The following ASIC2 variants were observed in gnomAD, a reference collection of about 807,000 sequenced individuals.
ASIC2 encodes acid sensing ion channel subunit 2.
ASIC2 carries 25 observed loss-of-function variants against 57.3 expected under a neutral mutation model. The ratio of observed to expected loss-of-function variants is 0.44; its 90% confidence interval spans 0.32 to 0.61. The LOEUF (loss-of-function observed/expected upper bound fraction) is 0.61. ASIC2 is among the 20% of genes least tolerant of loss of function. The pLI, the probability that ASIC2 is intolerant of heterozygous loss-of-function variation, is 0.06. For missense variants in ASIC2, 641 were observed against 738.1 expected (o/e 0.87, Z 1.52); for synonymous variants, 319 against 307.5 (o/e 1.04, Z -0.39).
intron 1 of ASIC2, among the ~76,000 whole-genome samples, chr17:33,498,180 G>A (rs911404223): frequency 2.0e-5 from 3 of 152,230 alleles, no homozygotes; most frequent in East Asian, 1.9e-4. Context: ...TGCTTCACTC[G>A]TGTGTCTGTT....
At chr17:33,146,999 C>A (rs1904589996) in intron 1 of ASIC2, among the ~76,000 whole-genome samples, 1 of 152,150 alleles carries the variant, frequency 6.6e-6, no homozygotes, top group Non-Finnish European at 1.5e-5. Context: ...CCATTTTGCT[C>A]CTTGATATCT....
At chr17:33,224,730 A>G (rs1284324129) in intron 1 of ASIC2, among the ~76,000 whole-genome samples, 4 of 152,204 alleles carry the variant, frequency 2.6e-5, no homozygotes, top group Admixed American at 1.3e-4. Context: ...GGGCATTTGC[A>G]TCAGTGCTTG....
intron 1 of ASIC2, among the ~76,000 whole-genome samples, chr17:33,523,133 C>T (rs1347423844): frequency 6.6e-6 from 1 of 152,202 alleles, no homozygotes; most frequent in Non-Finnish European, 1.5e-5. Context: ...GATGAAGGAC[C>T]CTAGTTCTGA....
chr17:34,003,865 T>C (rs1192185213), intron 1 of ASIC2: 2 of 152,322 alleles, frequency 1.3e-5, no homozygotes, highest in African/African-American at 2.4e-5. Flanking sequence ...CTAAAGACTG[T>C]GTGTTTCCGT....
At chr17:34,038,256 T>C (rs1318117774) in intron 1 of ASIC2, 1 of 1,610,716 alleles carries the variant, frequency 6.2e-7, no homozygotes, top group Non-Finnish European at 8.5e-7. Context: ...TTCTCTGACA[T>C]TAATTTGTGC....
rs184762660 is a variant in ASIC2 at position 33,723,338 on chromosome 17, T to A, written c.555+432640A>T. Among the ~76,000 whole-genome samples, 9 of 152,328 alleles carry A rather than the reference T, an allele frequency of 5.9e-5. No homozygotes were observed. The East Asian group carries it at 1.7e-3, about 29-fold the overall frequency. On this transcript the variant is annotated intron_variant, in intron 1 of 9. Coordinates refer to the ASIC2 transcript ENST00000359872. ...ACTTTTTAAAATATTATATTATATT[T>A]TATTTTTTGATACAGAGTCTTGCTC...
At chr17:33,922,569 T>C (rs561167875) in intron 1 of ASIC2, among the ~76,000 whole-genome samples, 1 of 152,344 alleles carries the variant, frequency 6.6e-6, no homozygotes, top group Admixed American at 6.5e-5. Flanking sequence ...GATATGTTGA[T>C]GAATCAGTAA....
rs1597600208 is a variant in ASIC2 at position 33,142,181 on chromosome 17, A to C, written c.709-30114T>G. On this transcript the variant is annotated intron_variant, in intron 1 of 9. Coordinates refer to ENST00000225823, the MANE Select transcript of ASIC2 (RefSeq NM_183377.2). ...AATTAAATGAATTAATAAATAAACGAATGGCAAGGTTTATCTTGGGAATGG... is the reference window on the plus strand; with the variant it reads ...AATTAAATGAATTAATAAATAAACGCATGGCAAGGTTTATCTTGGGAATGG... Among the ~76,000 whole-genome samples, 5 of 152,324 alleles carry C rather than the reference A, an allele frequency of 3.3e-5. No individual in the cohort carries two copies. In the South Asian group the frequency reaches 1.0e-3, roughly 32 times the overall value.
intron 1 of ASIC2, among the ~76,000 whole-genome samples, chr17:33,698,918 C>T (rs934032810): frequency 1.3e-4 from 20 of 152,238 alleles, no homozygotes; most frequent in African/African-American, 4.6e-4. Flanking sequence ...GATGCCCCCC[C>T]TCTGCTTTTT....
chr17:33,136,304 A>G (rs1297753934), intron 1 of ASIC2, among the ~76,000 whole-genome samples: 1 of 152,252 alleles, frequency 6.6e-6, no homozygotes, highest in Non-Finnish European at 1.5e-5. Context: ...AGAAGGTTTC[A>G]GCTCTTACAC....
At chr17:33,659,592 G>A (rs1000848109) in intron 1 of ASIC2, among the ~76,000 whole-genome samples, 4 of 152,050 alleles carry the variant, frequency 2.6e-5, no homozygotes, top group Non-Finnish European at 5.9e-5. Flanking sequence ...TACACCTGGC[G>A]GGGCGCGGTG....
At chr17:33,416,781 T>A (rs147650737) in intron 1 of ASIC2, among the ~76,000 whole-genome samples, 95 of 152,324 alleles carry the variant, frequency 6.2e-4, no homozygotes, top group African/African-American at 2.1e-3. Flanking sequence ...CCGAGTGGAA[T>A]AACAAGTCCC....
rs149199472 is a variant in ASIC2 at position 33,104,454 on chromosome 17, C to T, written c.859+7463G>A. The stretch of plus-strand genomic sequence containing the variant: ...TTTTAATCCCAATGACATCTGCCTC[C>T]CATCCAGTGGTTTTCAAACAGGGCA... On this transcript the variant is annotated intron_variant, in intron 2 of 9. Transcript: ENST00000225823. Among the ~76,000 whole-genome samples the T allele has an allele frequency of 3.1e-3, 472 of 152,276 alleles. 3 individuals carry two copies. The highest frequency in any genetic ancestry group is 0.011 in the African/African-American group (452 of 41,560).
chr17:33,961,481 C>T (rs748358358), intron 1 of ASIC2, among the ~76,000 whole-genome samples: 4 of 152,288 alleles, frequency 2.6e-5, no homozygotes, highest in Non-Finnish European at 5.9e-5. Flanking sequence ...GGAAATTCTG[C>T]CCTCCAACTC....
At chr17:33,468,786 T>G (rs372073534) in intron 1 of ASIC2, among the ~76,000 whole-genome samples, 2 of 151,750 alleles carry the variant, frequency 1.3e-5, no homozygotes, top group South Asian at 4.2e-4. Flanking sequence ...CTGGTAAAAG[T>G]CAAAGTCAGG....
chr17:34,115,851 G>A (rs772594030), intron 1 of ASIC2, among the ~76,000 whole-genome samples: 1 of 152,148 alleles, frequency 6.6e-6, no homozygotes, highest in Non-Finnish European at 1.5e-5. Flanking sequence ...AATAGCGCAA[G>A]AGTACATATA....
At chr17:33,392,785 A>G (rs1597711872) in intron 1 of ASIC2, among the ~76,000 whole-genome samples, 1 of 152,200 alleles carries the variant, frequency 6.6e-6, no homozygotes, top group East Asian at 1.9e-4. Flanking sequence ...TCCCTGAGCT[A>G]TAATGGTTTG....
intron 1 of ASIC2, among the ~76,000 whole-genome samples, chr17:33,154,309 A>C (rs1359155312): frequency 6.6e-6 from 1 of 152,196 alleles, no homozygotes; most frequent in African/African-American, 2.4e-5. Flanking sequence ...CAGCTTCTTG[A>C]GTAGCTGGAA....
chr17:33,380,245 C>CAAAAAAAAAAAAAAAAAAAAA (rs10586872), intron 1 of ASIC2, among the ~76,000 whole-genome samples: 9 of 71,064 alleles, frequency 1.3e-4, no homozygotes, highest in South Asian at 7.5e-4. Context: ...AACCCTGTCT[C>CAAAAAAAAAAAAAAAAAAAAA]AAAAAAAAAA....
Sources: gnomAD v4.1 joint callset for allele counts (sites outside exome capture counted in the v4.1 genomes callset) on GRCh38, gnomAD v4.1.1 for gene constraint, MANE v1.5 for transcripts, NCBI Gene and HGNC (gene_info 2026-07-23, HGNC 2026-07-21) for gene names.